Variants in PDZD9 observed in about 807,000 individuals in gnomAD.
PDZD9 encodes the protein PDZ domain-containing protein 9.
A neutral mutation model predicts 16.3 loss-of-function variants in PDZD9; 13 were observed. That is an observed-to-expected ratio of 0.80 (90% confidence interval 0.52 to 1.27). The LOEUF (loss-of-function observed/expected upper bound fraction) is 1.27. Among genes scored for constraint, PDZD9 ranks in the 50% most tolerant of loss-of-function variants. The pLI is 0.00. For missense variants in PDZD9, 288 were observed against 310.9 expected (o/e 0.93, Z 0.55); for synonymous variants, 120 against 111.0 (o/e 1.08, Z -0.51).
At chr16:21,967,227 A>G in the PDZD9 span, among the ~76,000 whole-genome samples, 1 of 152,236 alleles carries the variant, frequency 6.6e-6, no homozygotes, top group Non-Finnish European at 1.5e-5. Flanking sequence ...AGGTTACTCC[A>G]TAGGTACAGA....
the PDZD9 span, among the ~76,000 whole-genome samples, chr16:21,967,319 G>A: frequency 2.6e-5 from 4 of 152,074 alleles, no homozygotes; most frequent in Admixed American, 1.3e-4. Flanking sequence ...TTCTCAAAAC[G>A]TTATCACTTT....
At position 21,984,509 on chromosome 16, in the gene PDZD9, C is replaced by T. The variant is rs552514234; in HGVS notation, c.553G>A (p.Asp185Asn). 2.7e-5 allele frequency: 43 copies of T among 1,608,472 alleles called. No individual in the cohort carries two copies. The highest frequency in any genetic ancestry group is 1.5e-5 in the Non-Finnish European group (18 of 1,175,218). The change falls in exon 4 of 4, where the codon GAC becomes AAC. Residue 185 changes from aspartate to asparagine, a missense_variant. Coordinates refer to ENST00000424898, the MANE Select transcript of PDZD9 (RefSeq NM_001363519.1). ...PARRPISISRDWHGYKKKNHT... is the reference protein window; with the variant it reads ...PARRPISISRNWHGYKKKNHT... ...TTCTTCTTCTTATATCCATGCCAGT[C>T]TCTGGAGATGGATATTGGTCTCCTT...
chr16:21,981,411 C>T (rs1394692962), downstream of PDZD9, among the ~76,000 whole-genome samples: 4 of 152,106 alleles, frequency 2.6e-5, no homozygotes, highest in Admixed American at 6.5e-5. Context: ...TCTCGGCCAT[C>T]TTCTCACCAA....
chr16:21,970,456 G>A, the PDZD9 span, among the ~76,000 whole-genome samples: 6 of 152,142 alleles, frequency 3.9e-5, no homozygotes, highest in East Asian at 1.9e-4. Context: ...AACACTTATC[G>A]TCTGTCTTTC....
At chr16:21,987,252 TC>T (rs1177841326) in intron 3 of PDZD9, among the ~76,000 whole-genome samples, 1 of 152,074 alleles carries the variant, frequency 6.6e-6, no homozygotes, top group Non-Finnish European at 1.5e-5. Flanking sequence ...AAACTTCGTC[TC>T]TATTAAAAAT....
intron 2 of PDZD9, chr16:21,995,091 G>T: frequency 2.6e-6 from 1 of 390,310 alleles, no homozygotes; most frequent in Non-Finnish European, 5.2e-6. Flanking sequence ...GGAGGGGCCT[G>T]GGGGGAGGTG....
At chr16:21,983,079 T>C (rs191881538), downstream of PDZD9, 33 of 1,609,768 alleles carry the variant, frequency 2.0e-5, no homozygotes, top group African/African-American at 3.9e-4. Flanking sequence ...TTTGTTTGTT[T>C]CTTTAAAGGC....
rs923534201 is a variant in PDZD9, at chr16:22,000,500, G to A, written c.31+517C>T. 5.9e-5 allele frequency among the ~76,000 whole-genome samples: 9 copies of A among 152,158 alleles called. No homozygotes were observed. In the South Asian group the frequency reaches 1.9e-3, roughly 32 times the overall value. On this transcript the variant is annotated intron_variant, in intron 1 of 3. Transcript: ENST00000424898. ...ATCTTGATGGAGGGGGTGGTTCAAC[G>A]TGGGTATAGCTTGTCAAAACGGTAG...
chr16:21,966,596 CTG>C, the PDZD9 span, among the ~76,000 whole-genome samples: 2 of 152,190 alleles, frequency 1.3e-5, no homozygotes, highest in Middle Eastern at 3.2e-3. Flanking sequence ...GAAAACTAAA[CTG>C]TATCCCTTGC....
chr16:21,981,740 G>A (rs995940474), downstream of PDZD9, among the ~76,000 whole-genome samples: 3 of 151,912 alleles, frequency 2.0e-5, no homozygotes, highest in African/African-American at 4.8e-5. Flanking sequence ...TCCAGGCTGG[G>A]CAACAGAGTG....
chr16:21,962,399 T>A, the PDZD9 span: 1 of 1,593,564 alleles, frequency 6.3e-7, no homozygotes, highest in Non-Finnish European at 8.6e-7. Context: ...GATAGAAGAT[T>A]ATAAGGGAAA....
chr16:21,995,776 G>GTATT (rs1248023850), intron 2 of PDZD9, among the ~76,000 whole-genome samples: 220 of 151,772 alleles, frequency 1.4e-3, no homozygotes, highest in African/African-American at 5.0e-3. Context: ...TTTTGTATTT[G>GTATT]TATTTATTTT....
At chr16:21,968,598 T>C in the PDZD9 span, 6 of 1,572,152 alleles carry the variant, frequency 3.8e-6, no homozygotes, top group South Asian at 5.9e-5. Context: ...TATGCTAATA[T>C]AACCTAATAA....
intron 2 of PDZD9, among the ~76,000 whole-genome samples, chr16:21,994,651 G>T (rs1238861856): frequency 6.6e-6 from 1 of 152,144 alleles, no homozygotes; most frequent in Admixed American, 6.5e-5. Context: ...GGGATTGTGA[G>T]AGTGAAATGA....
At chr16:21,971,475 G>A in the PDZD9 span, 21 of 1,411,278 alleles carry the variant, frequency 1.5e-5, no homozygotes, top group Admixed American at 2.0e-5. Flanking sequence ...TTTTACGATT[G>A]TGTTTTAGTA....
the PDZD9 span, chr16:21,962,632 T>C: frequency 6.3e-7 from 1 of 1,590,962 alleles, no homozygotes. Context: ...TTATTGTTCA[T>C]AAACTGCTCA....
the PDZD9 span, among the ~76,000 whole-genome samples, chr16:21,961,668 A>ATATATT: frequency 4.7e-4 from 54 of 116,010 alleles, no homozygotes; most frequent in Non-Finnish European, 6.8e-4. Context: ...ATATATATAT[A>ATATATT]TTTTAGACAG....
intron 2 of PDZD9, among the ~76,000 whole-genome samples, chr16:21,994,932 G>C (rs1262337904): frequency 6.6e-6 from 1 of 151,874 alleles, no homozygotes; most frequent in Admixed American, 6.6e-5. Flanking sequence ...CTGCACTCAA[G>C]TGATCCTCCC....
the PDZD9 span, chr16:21,962,859 C>A: frequency 6.2e-7 from 1 of 1,614,068 alleles, no homozygotes. Context: ...ATTGACAAAG[C>A]TGTGGCCTTT....
Sources: allele counts gnomAD v4.1 joint callset (sites outside exome capture counted in the v4.1 genomes callset), GRCh38; gene constraint gnomAD v4.1.1; transcripts MANE v1.5; gene names NCBI Gene and HGNC (gene_info 2026-07-23, HGNC 2026-07-21).